Variants in ADCY10 observed in about 807,000 individuals in gnomAD.
ADCY10 encodes the protein adenylate cyclase type 10.
Under a neutral mutation model 183.3 loss-of-function variants are expected in ADCY10, and 156 were observed. That is an observed-to-expected ratio of 0.85 (90% confidence interval 0.75 to 0.97). ADCY10 has a LOEUF of 0.97. ADCY10 is among the 50% of genes least tolerant of loss of function. ADCY10 has a pLI of 0.00. For missense variants in ADCY10, 1,745 were observed against 1,934.3 expected, an observed-to-expected ratio of 0.90 and a Z score of 1.84; for synonymous variants, 645 against 670.0, an observed-to-expected ratio of 0.96 and a Z score of 0.58.
chr1:167,893,112 T>C (rs941303719), intron 8 of ADCY10, among the ~76,000 whole-genome samples: 3 of 152,060 alleles, frequency 2.0e-5, no homozygotes, highest in Non-Finnish European at 2.9e-5. Flanking sequence ...GAGAAAATAT[T>C]GGAGGGTGGA....
At chr1:167,832,013 C>T (rs1251839254) in intron 25 of ADCY10, among the ~76,000 whole-genome samples, 1 of 152,162 alleles carries the variant, frequency 6.6e-6, no homozygotes, top group African/African-American at 2.4e-5. Flanking sequence ...AGCTCCATTA[C>T]ATTTCCTTTT....
intron 28 of ADCY10, 112 bp downstream of exon 28, chr1:167,824,364 A>C: frequency 1.1e-6 from 1 of 882,670 alleles, no homozygotes; most frequent in South Asian, 1.3e-5. Context: ...ACATTTTCTT[A>C]CTGCAAACTC....
At chr1:167,893,713 AAAAAAAG>A in intron 8 of ADCY10, 133 bp downstream of exon 8, 1 of 549,146 alleles carries the variant, frequency 1.8e-6, no homozygotes, top group Non-Finnish European at 3.3e-6. Flanking sequence ...AAAAAAAAAA[AAAAAAAG>A]GAAGTCTTTT....
Position 167,905,036 on chromosome 1 carries a change from A to C in ADCY10, c.105T>G (p.Phe35Leu). Residue 35 changes from phenylalanine (F) to leucine (L), a missense_variant, in exon 2 of 33, where the codon TTT becomes TTG. Physicochemically the swap from Phe to Leu is conservative, Grantham distance 22. Transcript: ENST00000367851. ...TCAGGACTCCGTCAAAATAATCCAT[A>C]AAGGGTCGCTCTGGGGAGAAATGTC... Reference protein sequence around the residue: ...VYGHFSPERPFMDYFDGVLMF... With the variant: ...VYGHFSPERPLMDYFDGVLMF... The C allele has an allele frequency of 6.2e-7, 1 of 1,614,178 alleles. No individual in the cohort carries two copies.
At chr1:167,825,515 G>A (rs1217981657) in intron 26 of ADCY10, among the ~76,000 whole-genome samples, 3 of 152,048 alleles carry the variant, frequency 2.0e-5, no homozygotes, top group Non-Finnish European at 4.4e-5. Context: ...AGGCATGGTG[G>A]CATATGCCTG....
chr1:167,877,714 A>T (rs1019644275), intron 12 of ADCY10, among the ~76,000 whole-genome samples: 1 of 152,188 alleles, frequency 6.6e-6, no homozygotes, highest in Non-Finnish European at 1.5e-5. Context: ...AGGAAGAAGG[A>T]AGACAAAGGG....
At chr1:167,833,731 C>T (rs1663964911) in intron 24 of ADCY10, among the ~76,000 whole-genome samples, 1 of 136,014 alleles carries the variant, frequency 7.4e-6, no homozygotes, top group African/African-American at 2.9e-5. Flanking sequence ...GGCAACACAG[C>T]AAGACTCCCT....
At chr1:167,848,594 A>G in intron 18 of ADCY10, 105 bp from the exon 19 acceptor site, 3 of 1,238,814 alleles carry the variant, frequency 2.4e-6, no homozygotes, top group Non-Finnish European at 1.2e-6. Context: ...AAGACTGGGC[A>G]GAGATGTATA....
chr1:167,901,887 T>G, intron 4 of ADCY10, 82 bp from the exon 5 acceptor site: 23 of 1,604,524 alleles, frequency 1.4e-5, no homozygotes, highest in Non-Finnish European at 2.0e-5. Context: ...AGAAACTTAC[T>G]CATCAAGCAT....
At position 167,856,298 on chromosome 1, in the gene ADCY10, A is replaced by G. The variant is rs1189645027; in HGVS notation, c.2038T>C (p.Cys680Arg). 1 of 1,614,128 alleles carries G rather than the reference A, an allele frequency of 6.2e-7. No individual in the cohort carries two copies. Among genetic ancestry groups the G allele is most frequent in the Admixed American group, 1.7e-5 (1 of 60,020 alleles). The change falls in exon 17 of 33, where the codon TGT (cysteine) becomes CGT (arginine). Residue 680 changes from cysteine (C) to arginine (R), a missense_variant. Physicochemically the swap from Cys to Arg is radical, Grantham distance 180. Transcript: ENST00000367851. ...TTTATTACGGCCCTGGCAGCTGCAC[A>G]GGGAATGTTAACGAAGGGACACAGG... ...MSLCPFVNIP[C>R]AAARAVIKNR...
At chr1:167,885,447 G>A (rs1030790687) in intron 8 of ADCY10, among the ~76,000 whole-genome samples, 7 of 152,034 alleles carry the variant, frequency 4.6e-5, no homozygotes, top group African/African-American at 9.7e-5. Context: ...CCTGTCCAGC[G>A]TTTGTTATTG....
intron 8 of ADCY10, among the ~76,000 whole-genome samples, chr1:167,886,382 GA>G (rs1395616906): frequency 6.6e-6 from 1 of 152,076 alleles, no homozygotes; most frequent in African/African-American, 2.4e-5. Flanking sequence ...AGATCCCTCA[GA>G]AATAATACCA....
chr1:167,873,894 A>C (rs1429452715), intron 13 of ADCY10, among the ~76,000 whole-genome samples: 2 of 152,242 alleles, frequency 1.3e-5, no homozygotes, highest in Non-Finnish European at 2.9e-5. Flanking sequence ...ATTGAGAGTA[A>C]AAAGGCAAAC....
intron 29 of ADCY10, 43 bp from the exon 30 acceptor site, chr1:167,822,184 G>T (rs993264564): frequency 8.0e-7 from 1 of 1,246,176 alleles, no homozygotes; most frequent in Non-Finnish European, 1.2e-6. Flanking sequence ...GTAGGTGTGG[G>T]TGATCATCTT....
intron 9 of ADCY10, 52 bp downstream of exon 9, chr1:167,883,385 G>A (rs1668002649): frequency 1.3e-6 from 2 of 1,590,542 alleles, no homozygotes; most frequent in Non-Finnish European, 1.7e-6. Flanking sequence ...GCTTGTCCAT[G>A]AATGCTAACC....
Position 167,870,297 on chromosome 1 carries a change from G to A in ADCY10, c.1576C>T (p.Leu526Phe), listed in dbSNP as rs1211755330. The change falls in exon 14 of 33, where the codon CTT becomes TTT. Residue 526 changes from leucine to phenylalanine, a missense_variant. Coordinates refer to ENST00000367851, the MANE Select transcript of ADCY10 (RefSeq NM_018417.6). ...TGGGCCAGGTACTCAATTTTCATAA[G>A]TATCTGGCTTTTTCCATATCCTGGT... is the stretch of plus-strand genomic sequence containing the variant. ...GLPGYGKSQI[L>F]MKIEYLAQGK... is the part of the protein sequence containing the mutation. 4 of 1,613,886 alleles carry A rather than the reference G, an allele frequency of 2.5e-6. No homozygotes were observed. Among genetic ancestry groups the A allele is most frequent in the Middle Eastern group, 1.6e-4 (1 of 6,082 alleles).
chr1:167,810,856 A>G lies in ADCY10; in HGVS notation c.4540T>C (p.Tyr1514His). 1 of 1,614,232 alleles carries G rather than the reference A, an allele frequency of 6.2e-7. No homozygotes were observed. Among genetic ancestry groups the G allele is most frequent in the South Asian group, 1.1e-5 (1 of 91,086 alleles). Residue 1514 changes from tyrosine to histidine, a missense_variant, in exon 32 of 33, where the codon TAC becomes CAC. Coordinates refer to ENST00000367851, the MANE Select transcript of ADCY10 (RefSeq NM_018417.6). ...ATACAGACGTAAGCCATCAGGTGGTAGAGCCTTGGGCAAAAGACAGGGCCA... is the reference window on the plus strand; with the variant it reads ...ATACAGACGTAAGCCATCAGGTGGTGGAGCCTTGGGCAAAAGACAGGGCCA... Reference protein sequence around the residue: ...TTGPVFCPRLYHLMAYVCILM... With the variant: ...TTGPVFCPRLHHLMAYVCILM...
chr1:167,843,572 C>T (rs534882738), intron 21 of ADCY10, among the ~76,000 whole-genome samples: 23 of 152,260 alleles, frequency 1.5e-4, no homozygotes, highest in South Asian at 6.2e-4. Flanking sequence ...CTGTCTCATT[C>T]TAGCAGTCCA....
At chr1:167,895,674 G>T (rs991186872) in intron 7 of ADCY10, among the ~76,000 whole-genome samples, 1 of 152,202 alleles carries the variant, frequency 6.6e-6, no homozygotes, top group Non-Finnish European at 1.5e-5. Flanking sequence ...CAGGACAAAA[G>T]ACTGAAGCGA....
Sources: allele counts gnomAD v4.1 joint callset (sites outside exome capture counted in the v4.1 genomes callset), GRCh38; gene constraint gnomAD v4.1.1; transcripts MANE v1.5; gene names NCBI Gene and HGNC (gene_info 2026-07-23, HGNC 2026-07-21).